NAV3: variants seen among roughly 807,000 people sequenced by gnomAD.
NAV3 encodes pore membrane and/or filament interacting like protein 1.
A neutral mutation model predicts 244.7 loss-of-function variants in NAV3; 87 were observed. The observed-to-expected ratio is 0.36, with a 90% CI of 0.30 to 0.42. NAV3 has a LOEUF of 0.42. NAV3 is among the 20% of genes least tolerant of loss of function. NAV3 has a pLI of 1.00. For missense variants in NAV3, 2,663 were observed against 2,893.3 expected (o/e 0.92, Z 1.83); for synonymous variants, 1,126 against 1,042.2 (o/e 1.08, Z -1.55).
intron 2 of NAV3, among the ~76,000 whole-genome samples, chr12:77,605,333 A>G (rs533366844): frequency 1.4e-4 from 21 of 152,086 alleles, no homozygotes; most frequent in Non-Finnish European, 2.8e-4. Flanking sequence ...ATCTCCTCTA[A>G]TTACCTATAA....
chr12:77,926,304 G>T (rs1388092877), intron 1 of NAV3, among the ~76,000 whole-genome samples: 1 of 152,110 alleles, frequency 6.6e-6, no homozygotes, highest in Admixed American at 6.5e-5. Context: ...ACAATTTAAA[G>T]TATTTAAAAC....
At chr12:77,942,771 C>A (rs898637502) in intron 3 of NAV3, among the ~76,000 whole-genome samples, 1 of 152,162 alleles carries the variant, frequency 6.6e-6, no homozygotes, top group East Asian at 1.9e-4. Flanking sequence ...TTTATTAACA[C>A]AACTAAAATG....
chr12:77,686,436 T>TA (rs1874755382), intron 2 of NAV3, among the ~76,000 whole-genome samples: 1 of 149,610 alleles, frequency 6.7e-6, no homozygotes, highest in Non-Finnish European at 1.5e-5. Context: ...TTTTTTTTTT[T>TA]TTTTTTTTTT....
At chr12:77,879,641 A>G (rs1317188770) in intron 1 of NAV3, among the ~76,000 whole-genome samples, 1 of 137,080 alleles carries the variant, frequency 7.3e-6, no homozygotes, top group Non-Finnish European at 1.5e-5. Context: ...AGATCGAGCC[A>G]CTTCACTATA....
rs1960764665 is a variant in NAV3, at chr12:78,210,252, G to A, written c.7039-146G>A. 4.8e-6 allele frequency: 6 copies of A among 1,254,200 alleles called. No individual in the cohort carries two copies. In the East Asian group the frequency reaches 1.2e-4, roughly 25 times the overall value. The allele number at this position is 1,254,200 out of a possible 1,614,324, so 77.7% of individuals were successfully genotyped here. A position where few individuals can be genotyped will look rare whatever the true frequency, so the allele number is the denominator to read the frequency against. On this transcript the variant is annotated intron_variant, in intron 39 of 39. Transcript: ENST00000397909. ...TGGGAGAAACAGCATAGGAGCCAGG[G>A]GCAACGAGTAAAAATCTAAAATTAT...
intron 8 of NAV3, among the ~76,000 whole-genome samples, chr12:78,009,876 C>T (rs1324625942): frequency 6.6e-6 from 1 of 152,054 alleles, no homozygotes; most frequent in South Asian, 2.1e-4. Context: ...ACATGAATAT[C>T]AGTAATTATT....
At chr12:78,059,191 T>C in intron 12 of NAV3, 76 bp downstream of exon 12, 1 of 1,373,016 alleles carries the variant, frequency 7.3e-7, no homozygotes, top group South Asian at 1.4e-5. Context: ...AGAAAACTCC[T>C]ATTAAACAGT....
chr12:78,101,310 G>T (rs1224142750), intron 12 of NAV3, among the ~76,000 whole-genome samples: 5 of 152,162 alleles, frequency 3.3e-5, no homozygotes, highest in Non-Finnish European at 5.9e-5. Context: ...AAGAGGTAAA[G>T]TGTCCTTGAA....
intron 7 of NAV3, among the ~76,000 whole-genome samples, chr12:78,000,814 T>C (rs1475186516): frequency 6.7e-6 from 1 of 150,296 alleles, no homozygotes; most frequent in Admixed American, 6.6e-5. Flanking sequence ...AAACATTTTA[T>C]AAAAATACAA....
At chr12:78,065,299 A>T (rs1292235315) in intron 12 of NAV3, among the ~76,000 whole-genome samples, 2 of 152,154 alleles carry the variant, frequency 1.3e-5, no homozygotes, top group East Asian at 3.9e-4. Context: ...TCCCAGCCAT[A>T]GCATCACTCA....
chr12:78,025,451 C>T (rs1419621249), intron 9 of NAV3, among the ~76,000 whole-genome samples: 1 of 151,748 alleles, frequency 6.6e-6, no homozygotes, highest in Admixed American at 6.6e-5. Flanking sequence ...CAAACATTAG[C>T]CGGCTGCGGT....
intron 2 of NAV3, among the ~76,000 whole-genome samples, chr12:77,792,716 T>C (rs1871237910): frequency 6.6e-6 from 1 of 152,246 alleles, no homozygotes; most frequent in South Asian, 2.1e-4. Flanking sequence ...TTTCCTGCTC[T>C]GTTCCTTTGG....
Position 78,173,415 on chromosome 12 carries a change from T to A in NAV3, c.4982-1891T>A, listed in dbSNP as rs142597039. Among the ~76,000 whole-genome samples, 170 of 151,774 alleles carry A rather than the reference T, an allele frequency of 1.1e-3. 2 individuals are homozygous for A. Among genetic ancestry groups the A allele is most frequent in the Non-Finnish European group, 7.4e-4 (50 of 67,696 alleles). ...GGATATAATAAAAATTCTGAAATAC[T>A]TTAATACTTTGTGCTTTTCTATTTG... On this transcript the variant is annotated intron_variant, in intron 24 of 39. Transcript: ENST00000397909.
At chr12:77,672,582 T>C (rs1874029034) in intron 2 of NAV3, among the ~76,000 whole-genome samples, 1 of 151,980 alleles carries the variant, frequency 6.6e-6, no homozygotes. Context: ...GGCTGAGTAG[T>C]ATTCCATGGT....
At chr12:77,858,777 A>G (rs1457871448) in intron 1 of NAV3, among the ~76,000 whole-genome samples, 2 of 152,086 alleles carry the variant, frequency 1.3e-5, no homozygotes, top group Non-Finnish European at 2.9e-5. Context: ...GTAAAGTACA[A>G]TATTTTATAT....
At chr12:77,613,586 A>G (rs368326362) in intron 2 of NAV3, among the ~76,000 whole-genome samples, 53 of 152,096 alleles carry the variant, frequency 3.5e-4, no homozygotes, top group East Asian at 1.4e-3. Flanking sequence ...GCGAAGGGAA[A>G]TTCTTGGTAT....
At chr12:77,970,978 C>G (rs886961755) in intron 5 of NAV3, among the ~76,000 whole-genome samples, 1 of 152,092 alleles carries the variant, frequency 6.6e-6, no homozygotes, top group Non-Finnish European at 1.5e-5. Flanking sequence ...CTTTACCTCA[C>G]TCTTTTTCTG....
Position 78,179,651 on chromosome 12 carries a change from A to T in NAV3, c.5486A>T (p.Asp1829Val). The T allele has an allele frequency of 6.2e-7, 1 of 1,613,060 alleles. No individual in the cohort carries two copies. The change falls in exon 29 of 40, where the codon GAT (aspartate) becomes GTT (valine). Residue 1829 changes from aspartate to valine, a missense_variant. By Grantham distance (152) the Asp-to-Val change is radical (BLOSUM62 -3). This residue lies in a region of NAV3 where 543 missense variants were observed against 672.4 expected (regional missense o/e 0.81). Transcript: ENST00000397909. ...GCCCTCAGCTCTGCTCATCATCTTG[A>T]TCAGATCCGGGAAGCCATGAACCGG... ...LEALSSAHHL[D>V]QIREAMNRMQ... is the part of the protein sequence containing the mutation.
intron 34 of NAV3, among the ~76,000 whole-genome samples, chr12:78,191,289 GTGTGTGTC>G (rs1958966081): frequency 6.6e-6 from 1 of 152,166 alleles, no homozygotes; most frequent in Non-Finnish European, 1.5e-5. Flanking sequence ...GTATATGCAT[GTGTGTGTC>G]TGTGTGTGTG....
Sources: allele counts gnomAD v4.1 joint callset (sites outside exome capture counted in the v4.1 genomes callset), GRCh38; gene constraint gnomAD v4.1.1; regional missense constraint gnomAD v4.1.1; transcripts MANE v1.5; gene names NCBI Gene and HGNC (gene_info 2026-07-23, HGNC 2026-07-21).